Variants in RANBP17 observed in about 807,000 individuals in gnomAD.
The protein encoded by RANBP17 is RAN binding protein 17.
A neutral mutation model predicts 141.2 loss-of-function variants in RANBP17; 158 were observed. The ratio of observed to expected loss-of-function variants is 1.12; its 90% CI spans 0.98 to 1.28. The LOEUF is 1.28. RANBP17 is among the 50% of genes most tolerant of loss of function. RANBP17 has a pLI of 0.00. For missense variants in RANBP17, 1,438 were observed against 1,290.7 expected (o/e 1.11, Z -1.75); for synonymous variants, 430 against 450.0 (o/e 0.96, Z 0.56).
At chr5:170,941,473 GAATA>G (rs1774320502) in intron 12 of RANBP17, among the ~76,000 whole-genome samples, 2 of 152,036 alleles carry the variant, frequency 1.3e-5, no homozygotes, top group Admixed American at 6.6e-5. Context: ...ATGAGGAAAT[GAATA>G]AATTTCTAGA....
chr5:171,082,042 T>C (rs1355156783), intron 14 of RANBP17, among the ~76,000 whole-genome samples: 2 of 152,182 alleles, frequency 1.3e-5, no homozygotes, highest in Non-Finnish European at 2.9e-5. Flanking sequence ...TACTTCTAAT[T>C]AATAAAACCT....
chr5:171,115,093 C>G (rs1755518528), intron 14 of RANBP17, among the ~76,000 whole-genome samples: 1 of 151,714 alleles, frequency 6.6e-6, no homozygotes, highest in Non-Finnish European at 1.5e-5. Flanking sequence ...AGAGCAAGAC[C>G]CTGTCTCTAA....
intron 14 of RANBP17, among the ~76,000 whole-genome samples, chr5:171,166,995 C>T (rs1175531404): frequency 1.3e-5 from 2 of 152,162 alleles, no homozygotes; most frequent in Non-Finnish European, 2.9e-5. Context: ...AAAGCATTGA[C>T]ACAGTTCTAG....
chr5:171,250,160 A>G (rs1581118340), intron 24 of RANBP17, among the ~76,000 whole-genome samples: 1 of 152,318 alleles, frequency 6.6e-6, no homozygotes, highest in East Asian at 1.9e-4. Flanking sequence ...AGTAAAATTA[A>G]CCTTTGTAAA....
At chr5:170,895,309 G>A (rs1770022749) in intron 4 of RANBP17, among the ~76,000 whole-genome samples, 1 of 152,178 alleles carries the variant, frequency 6.6e-6, no homozygotes, top group Non-Finnish European at 1.5e-5. Context: ...TGATTGCAAT[G>A]TAATTGGATG....
chr5:170,908,796 C>G (rs1420856817), intron 5 of RANBP17, among the ~76,000 whole-genome samples: 1 of 151,962 alleles, frequency 6.6e-6, no homozygotes, highest in East Asian at 1.9e-4. Flanking sequence ...CGAGTATAAT[C>G]TAAATTATAT....
At chr5:171,127,343 T>C (rs535771746) in intron 14 of RANBP17, among the ~76,000 whole-genome samples, 3 of 152,306 alleles carry the variant, frequency 2.0e-5, no homozygotes, top group African/African-American at 7.2e-5. Context: ...AAAAGCTATG[T>C]ATGACAAACC....
intron 26 of RANBP17, 54 bp from the exon 27 acceptor site, chr5:171,295,833 G>A: frequency 6.3e-7 from 1 of 1,593,022 alleles, no homozygotes; most frequent in Non-Finnish European, 8.6e-7. Flanking sequence ...CCTGCCAGCT[G>A]TCTTCAGGCG....
chr5:170,877,853 A>G (rs1287961181), intron 1 of RANBP17, among the ~76,000 whole-genome samples: 2 of 152,182 alleles, frequency 1.3e-5, no homozygotes, highest in Non-Finnish European at 2.9e-5. Context: ...CTTGTTGTAG[A>G]CAAGTTCTCC....
chr5:171,205,171 G>A (rs1762501103), intron 19 of RANBP17, among the ~76,000 whole-genome samples: 1 of 152,122 alleles, frequency 6.6e-6, no homozygotes, highest in South Asian at 2.1e-4. Context: ...TTCAAGATTT[G>A]CTGTTATTAA....
intron 14 of RANBP17, among the ~76,000 whole-genome samples, chr5:171,127,003 C>CA (rs1433660483): frequency 6.6e-6 from 1 of 152,048 alleles, no homozygotes; most frequent in Non-Finnish European, 1.5e-5. Context: ...ACCTTGATAC[C>CA]AAAACCAGAC....
intron 19 of RANBP17, among the ~76,000 whole-genome samples, chr5:171,200,836 T>C (rs1762254634): frequency 6.6e-6 from 1 of 152,232 alleles, no homozygotes; most frequent in African/African-American, 2.4e-5. Context: ...TTGAAATTAA[T>C]GTTTATCAGC....
intron 24 of RANBP17, chr5:171,252,176 A>G (rs1765615523): frequency 1.3e-6 from 2 of 1,582,290 alleles, no homozygotes; most frequent in Non-Finnish European, 1.7e-6. Context: ...ACTACATGCA[A>G]CAAGATCCCC....
intron 14 of RANBP17, among the ~76,000 whole-genome samples, chr5:171,064,399 T>A (rs575183957): frequency 2.6e-5 from 4 of 152,354 alleles, no homozygotes; most frequent in Non-Finnish European, 5.9e-5. Flanking sequence ...AATTTGCATT[T>A]CTCTTTTATA....
At chr5:171,202,077 T>C (rs1231572415) in intron 19 of RANBP17, among the ~76,000 whole-genome samples, 2 of 152,208 alleles carry the variant, frequency 1.3e-5, no homozygotes, top group East Asian at 1.9e-4. Flanking sequence ...CAGGATAAAC[T>C]TAAACATTAA....
chr5:171,089,134 G>A (rs1278294393), intron 14 of RANBP17, among the ~76,000 whole-genome samples: 2 of 151,246 alleles, frequency 1.3e-5, no homozygotes, highest in Non-Finnish European at 3.0e-5. Context: ...TGTACAGATG[G>A]GTTTTCGGTG....
At chr5:171,258,289 T>C (rs1173688332) in intron 24 of RANBP17, among the ~76,000 whole-genome samples, 1 of 152,084 alleles carries the variant, frequency 6.6e-6, no homozygotes, top group Non-Finnish European at 1.5e-5. Flanking sequence ...CGGAAGAATA[T>C]TGTTAAAATG....
At position 170,924,383 on chromosome 5, in the gene RANBP17, A is replaced by T. The variant is rs762477931; in HGVS notation, c.1301A>T (p.Asp434Val). Residue 434 changes from aspartate to valine, a missense_variant, in exon 12 of 28, where the codon GAT (aspartate) becomes GTT (valine). Asp to Val is a radical substitution (Grantham distance 152). Transcript: ENST00000523189. ...GATCACTTAGATGATCCACTGGATG[A>T]TACTGCCACTGTGTTTCAGCAGTTG... ...VRDHLDDPLDDTATVFQQLEQ... is the reference protein window; with the variant it reads ...VRDHLDDPLDVTATVFQQLEQ... The T allele has an allele frequency of 1.9e-6, 3 of 1,600,836 alleles. No homozygotes were observed. Among genetic ancestry groups the T allele is most frequent in the Non-Finnish European group, 1.7e-6 (2 of 1,169,464 alleles).
intron 14 of RANBP17, among the ~76,000 whole-genome samples, chr5:171,036,917 T>G (rs1781917416): frequency 6.6e-6 from 1 of 152,174 alleles, no homozygotes; most frequent in Non-Finnish European, 1.5e-5. Flanking sequence ...CATGTGTTTT[T>G]TTGATAGAAC....
Sources: allele counts gnomAD v4.1 joint callset (sites outside exome capture counted in the v4.1 genomes callset), GRCh38; gene constraint gnomAD v4.1.1; transcripts MANE v1.5; gene names NCBI Gene and HGNC (gene_info 2026-07-23, HGNC 2026-07-21).